Variants in GRAMD2B observed in about 807,000 individuals in gnomAD.
GRAMD2B encodes GRAM domain-containing protein 2B.
Under a neutral mutation model 59.2 loss-of-function variants are expected in GRAMD2B, and 41 were observed. The observed-to-expected ratio is 0.69, with a 90% CI of 0.54 to 0.90. GRAMD2B has a LOEUF of 0.90. GRAMD2B is among the 40% of genes least tolerant of loss of function. The pLI, the probability that GRAMD2B is intolerant of heterozygous loss-of-function variation, is 0.00. For missense variants in GRAMD2B, 424 were observed against 500.5 expected (o/e 0.85, Z 1.46); for synonymous variants, 161 against 182.7 (o/e 0.88, Z 0.96).
intron 1 of GRAMD2B, among the ~76,000 whole-genome samples, chr5:126,433,073 T>C (rs996457029): frequency 6.6e-6 from 1 of 152,254 alleles, no homozygotes; most frequent in East Asian, 1.9e-4. Flanking sequence ...GAGAATGGAA[T>C]AGAGAGGAAA....
upstream of GRAMD2B, chr5:126,423,138 T>A: frequency 1.0e-6 from 1 of 994,450 alleles, no homozygotes; most frequent in Non-Finnish European, 1.2e-6. Flanking sequence ...GACGTCTCCA[T>A]TTCCGGTATC....
At chr5:126,447,497 C>T (rs889241673) in intron 1 of GRAMD2B, among the ~76,000 whole-genome samples, 1 of 151,928 alleles carries the variant, frequency 6.6e-6, no homozygotes, top group Non-Finnish European at 1.5e-5. Flanking sequence ...CCCGTCTCTA[C>T]TAAAAAAATA....
chr5:126,483,401 C>T, intron 8 of GRAMD2B, 62 bp from the exon 9 acceptor site: 1 of 1,015,250 alleles, frequency 9.8e-7, no homozygotes, highest in Non-Finnish European at 1.6e-6. Context: ...CTGGGAGTTA[C>T]AAAGGCCTGC....
intron 1 of GRAMD2B, among the ~76,000 whole-genome samples, chr5:126,406,902 T>C (rs1043799324): frequency 1.3e-5 from 2 of 152,040 alleles, no homozygotes; most frequent in African/African-American, 4.8e-5. Context: ...GAAGTTTGAA[T>C]ACAAATTCTG....
intron 2 of GRAMD2B, chr5:126,466,323 A>G: frequency 7.1e-7 from 1 of 1,417,182 alleles, no homozygotes; most frequent in Non-Finnish European, 9.8e-7. Context: ...TCTATGCTTC[A>G]TTCAGGACCA....
intron 1 of GRAMD2B, among the ~76,000 whole-genome samples, chr5:126,406,474 G>C (rs912590056): frequency 2.0e-5 from 3 of 151,618 alleles, no homozygotes; most frequent in African/African-American, 7.3e-5. Flanking sequence ...CCACCACCTA[G>C]ATCAATATGC....
In GRAMD2B at chr5:126,433,428, TA is replaced by T. The variant is rs1292978165; in HGVS notation, c.83+9742del. ...ATGCAGAAGACAAAGTAACTCCCAT[TA>T]AAGTCTGTGCATCCCTGCGTAGCTC... On this transcript the variant is annotated intron_variant, in intron 1 of 13. Transcript: ENST00000285689. The T allele has an allele frequency of 2.0e-5, 3 of 152,348 alleles. No homozygotes were observed. In the East Asian group the frequency reaches 5.8e-4, roughly 29 times the overall value. 9.4% of individuals were successfully genotyped at this position (152,348 alleles called of 1,614,324 possible). A position where few individuals can be genotyped will look rare whatever the true frequency, so the allele number is the denominator to read the frequency against.
At chr5:126,389,119 C>G (rs1307554019) in intron 1 of GRAMD2B, among the ~76,000 whole-genome samples, 1 of 152,156 alleles carries the variant, frequency 6.6e-6, no homozygotes, top group Non-Finnish European at 1.5e-5. Context: ...AGCCAGACTG[C>G]CTGAGCTCTA....
At chr5:126,451,122 C>T (rs1305401759) in intron 1 of GRAMD2B, among the ~76,000 whole-genome samples, 3 of 152,210 alleles carry the variant, frequency 2.0e-5, no homozygotes, top group Non-Finnish European at 2.9e-5. Context: ...GAGCAGCCAG[C>T]GAGGCTGCAC....
upstream of GRAMD2B, among the ~76,000 whole-genome samples, chr5:126,420,154 A>G (rs973725723): frequency 6.6e-6 from 1 of 152,162 alleles, no homozygotes; most frequent in Non-Finnish European, 1.5e-5. Flanking sequence ...GAAGAAAAAT[A>G]ATGTCTCTTA....
At chr5:126,468,868 G>A (rs1323832008) in intron 2 of GRAMD2B, among the ~76,000 whole-genome samples, 3 of 151,742 alleles carry the variant, frequency 2.0e-5, no homozygotes, top group Non-Finnish European at 4.4e-5. Flanking sequence ...ATTTTTTTTG[G>A]TGCTAAATCA....
intron 10 of GRAMD2B, 22 bp from the exon 11 acceptor site, chr5:126,485,663 GT>G: frequency 6.6e-7 from 1 of 1,520,688 alleles, no homozygotes. Context: ...TTAAACAGTT[GT>G]TTTTTGTTTT....
At chr5:126,458,876 T>A (rs752852457) in intron 1 of GRAMD2B, 1 of 152,230 alleles carries the variant, frequency 6.6e-6, no homozygotes, top group South Asian at 2.1e-4. Flanking sequence ...GGTCGGTGTT[T>A]TCTTATCCCC....
At chr5:126,405,024 A>T (rs73332482) in intron 1 of GRAMD2B, among the ~76,000 whole-genome samples, 8 of 151,940 alleles carry the variant, frequency 5.3e-5, no homozygotes, top group Non-Finnish European at 1.0e-4. Context: ...CACACAAATT[A>T]TAAGTGGTAG....
intron 1 of GRAMD2B, among the ~76,000 whole-genome samples, chr5:126,460,153 C>T (rs4355522): frequency 0.92 from 140,677 of 152,130 alleles, 65,619 homozygotes; most frequent in East Asian, 1. Context: ...AAGCAAGGTG[C>T]AGAATAGCAT....
chr5:126,423,793 C>T, intron 1 of GRAMD2B, 104 bp downstream of exon 1: 1 of 1,101,584 alleles, frequency 9.1e-7, no homozygotes, highest in Non-Finnish European at 1.3e-6. Context: ...TCTGGAGCTC[C>T]TATATGGACA....
intron 11 of GRAMD2B, among the ~76,000 whole-genome samples, chr5:126,486,046 T>G (rs1044865106): frequency 1.1e-4 from 16 of 152,198 alleles, no homozygotes; most frequent in African/African-American, 3.9e-4. Flanking sequence ...ATCTTTACCC[T>G]TGTTATTTTT....
chr5:126,385,091 C>G (rs2149709626), intron 1 of GRAMD2B, among the ~76,000 whole-genome samples: 1 of 152,282 alleles, frequency 6.6e-6, no homozygotes, highest in Non-Finnish European at 1.5e-5. Context: ...AAGGCTGACC[C>G]TTGCTGGGAG....
chr5:126,411,345 T>C (rs1228336621), intron 1 of GRAMD2B, among the ~76,000 whole-genome samples: 1 of 152,066 alleles, frequency 6.6e-6, no homozygotes, highest in Admixed American at 6.6e-5. Context: ...CCCAGCACCA[T>C]TTATTGAAAA....
Sources: gnomAD v4.1 joint callset for allele counts (sites outside exome capture counted in the v4.1 genomes callset) on GRCh38, gnomAD v4.1.1 for gene constraint, MANE v1.5 for transcripts, NCBI Gene and HGNC (gene_info 2026-07-23, HGNC 2026-07-21) for gene names.